Variants in ERC2 observed in about 807,000 individuals in gnomAD.
ERC2 encodes the protein ELKS/RAB6-interacting/CAST family member 2.
In ERC2, 42 loss-of-function variants were observed where a neutral mutation model predicts 114.8. The ratio of observed to expected loss-of-function variants is 0.37; its 90% CI spans 0.29 to 0.47. The LOEUF (loss-of-function observed/expected upper bound fraction) is 0.47, where lower values mean the gene tolerates loss of function less well. Among genes scored for constraint, ERC2 ranks in the 20% least tolerant of loss-of-function variants. The pLI is 0.99. For missense variants in ERC2, 939 were observed against 1,150.7 expected (o/e 0.82, Z 2.66); for synonymous variants, 454 against 425.5 (o/e 1.07, Z -0.82).
At chr3:55,891,420 G>A (rs1308696219) in intron 13 of ERC2, among the ~76,000 whole-genome samples, 1 of 149,944 alleles carries the variant, frequency 6.7e-6, no homozygotes. Flanking sequence ...ATCTTCACTG[G>A]TGAACTGTCT....
intron 4 of ERC2, among the ~76,000 whole-genome samples, chr3:56,167,231 A>G (rs555155812): frequency 6.6e-6 from 1 of 152,236 alleles, no homozygotes; most frequent in East Asian, 1.9e-4. Context: ...TGGTTTATGT[A>G]CTTCATTCCA....
chr3:56,143,315 C>G (rs1351651809), intron 5 of ERC2, among the ~76,000 whole-genome samples: 7 of 152,126 alleles, frequency 4.6e-5, no homozygotes, highest in Non-Finnish European at 8.8e-5. Context: ...AAATTGCCAA[C>G]AAGAATAAAT....
intron 15 of ERC2, among the ~76,000 whole-genome samples, chr3:55,723,856 A>G (rs2064738991): frequency 6.6e-6 from 1 of 152,144 alleles, no homozygotes; most frequent in African/African-American, 2.4e-5. Flanking sequence ...AGGAAGTGAA[A>G]AGGGGCTTTT....
chr3:56,068,551 C>G (rs1383578217), intron 7 of ERC2, among the ~76,000 whole-genome samples: 1 of 151,988 alleles, frequency 6.6e-6, no homozygotes, highest in Non-Finnish European at 1.5e-5. Context: ...TCCATCAGTT[C>G]TGCTCTGATC....
chr3:55,847,341 A>G (rs532474243), intron 14 of ERC2, among the ~76,000 whole-genome samples: 1 of 152,292 alleles, frequency 6.6e-6, no homozygotes, highest in African/African-American at 2.4e-5. Flanking sequence ...GATTTTGAAA[A>G]TTGCCAAAGT....
At chr3:56,420,746 T>G (rs1454317837) in intron 2 of ERC2, among the ~76,000 whole-genome samples, 3 of 150,240 alleles carry the variant, frequency 2.0e-5, no homozygotes, top group African/African-American at 7.3e-5. Context: ...AAAAAAAAAT[T>G]ATCTGGGTGT....
rs1258902163 is a variant in ERC2, at chr3:56,172,067, G to A, written c.1149+1379C>T. ...TTTTAAAGCCTTAACCAAGTATCAG[G>A]TTTGATTCCAATGTGAAGTGAGGAT... is the stretch of plus-strand genomic sequence containing the variant. On this transcript the variant is annotated intron_variant, in intron 4 of 17. Transcript: ENST00000288221. Among the ~76,000 whole-genome samples the A allele has an allele frequency of 5.4e-5, 8 of 149,100 alleles. No homozygotes were observed. In the East Asian group the frequency reaches 1.6e-3, roughly 29 times the overall value.
chr3:56,272,730 A>G (rs909505345), intron 3 of ERC2, among the ~76,000 whole-genome samples: 1 of 152,232 alleles, frequency 6.6e-6, no homozygotes, highest in African/African-American at 2.4e-5. Context: ...AGACCATGCC[A>G]TTGCACTCCA....
At chr3:56,445,236 A>G (rs922617579) in intron 1 of ERC2, among the ~76,000 whole-genome samples, 8 of 152,282 alleles carry the variant, frequency 5.3e-5, no homozygotes, top group Non-Finnish European at 1.2e-4. Context: ...TCTTATATTC[A>G]GTCTGATTCC....
chr3:56,432,855 G>T (rs181762054), intron 2 of ERC2, among the ~76,000 whole-genome samples: 2 of 152,150 alleles, frequency 1.3e-5, no homozygotes, highest in Admixed American at 6.5e-5. Flanking sequence ...GAGCCACGTG[G>T]TATCACATTC....
At chr3:55,842,908 A>G (rs1575807407) in intron 14 of ERC2, among the ~76,000 whole-genome samples, 1 of 152,254 alleles carries the variant, frequency 6.6e-6, no homozygotes, top group Middle Eastern at 3.4e-3. Context: ...GGTAAGAAGG[A>G]CAAGGAGTGT....
intron 17 of ERC2, among the ~76,000 whole-genome samples, chr3:55,679,013 G>A (rs750766748): frequency 1.3e-5 from 2 of 152,072 alleles, no homozygotes; most frequent in Non-Finnish European, 2.9e-5. Context: ...TTCCTGCCAC[G>A]ACAATTCATC....
intron 3 of ERC2, among the ~76,000 whole-genome samples, chr3:56,270,939 G>A (rs184949562): frequency 6.8e-4 from 104 of 152,252 alleles, no homozygotes; most frequent in African/African-American, 2.4e-3. Flanking sequence ...CCGAGATTTC[G>A]CCACTGCACT....
intron 14 of ERC2, among the ~76,000 whole-genome samples, chr3:55,883,571 A>C (rs527963180): frequency 1.5e-5 from 2 of 136,762 alleles, no homozygotes; most frequent in South Asian, 4.6e-4. Flanking sequence ...CACACACACA[A>C]GTGCATGTAA....
Position 55,699,404 on chromosome 3 carries a change from A to T in ERC2, c.2821T>A (p.Ser941Thr). Residue 941 changes from serine (S) to threonine (T), a missense_variant, in exon 16 of 18, where the codon TCC becomes ACC. Ser to Thr is a moderately conservative substitution (Grantham distance 58, BLOSUM62 1). Coordinates refer to ENST00000288221, the MANE Select transcript of ERC2 (RefSeq NM_015576.3). The stretch of plus-strand genomic sequence containing the variant: ...TGGTCCGGAGAGGGCCTGTGATTGG[A>T]ATGTTGCGACCTCCCAGGAGATCGA... ...HHRSPGRSQH[S>T]NHRPSPDQDD... The T allele has an allele frequency of 6.2e-7, 1 of 1,613,726 alleles. No homozygotes were observed. Among genetic ancestry groups the T allele is most frequent in the Non-Finnish European group, 8.5e-7 (1 of 1,179,796 alleles).
At chr3:55,710,273 G>A (rs958120742) in intron 15 of ERC2, among the ~76,000 whole-genome samples, 1 of 152,004 alleles carries the variant, frequency 6.6e-6, no homozygotes, top group Non-Finnish European at 1.5e-5. Context: ...TCTCCCCACA[G>A]CCTCATCCAA....
rs554226003 is a variant in ERC2 at position 55,749,895 on chromosome 3, C to T, written c.2565-14977G>A. ...AGGTCTACGACTTCATTCTTGAAGT[C>T]GGTGAGACCACGAACCCACCAGCAG... On this transcript the variant is annotated intron_variant, in intron 14 of 17. Coordinates refer to ENST00000288221, the MANE Select transcript of ERC2 (RefSeq NM_015576.3). Among the ~76,000 whole-genome samples, 286 of 152,196 alleles carry T rather than the reference C, an allele frequency of 1.9e-3. 2 individuals carry two copies. The highest frequency in any genetic ancestry group is 2.7e-3 in the Non-Finnish European group (187 of 68,008).
At chr3:56,259,221 C>T (rs1417313354) in intron 3 of ERC2, among the ~76,000 whole-genome samples, 6 of 152,064 alleles carry the variant, frequency 3.9e-5, no homozygotes, top group African/African-American at 1.2e-4. Flanking sequence ...ATCCACCCAC[C>T]GCAGCCTCCC....
At chr3:55,785,498 C>T (rs2149062839) in intron 14 of ERC2, among the ~76,000 whole-genome samples, 1 of 152,318 alleles carries the variant, frequency 6.6e-6, no homozygotes, top group South Asian at 2.1e-4. Context: ...CCTTACTATG[C>T]CACTATCTTC....
Sources: allele counts gnomAD v4.1 joint callset (sites outside exome capture counted in the v4.1 genomes callset), GRCh38; gene constraint gnomAD v4.1.1; transcripts MANE v1.5; gene names NCBI Gene and HGNC (gene_info 2026-07-23, HGNC 2026-07-21).